Variants in AK3 observed in about 807,000 individuals in gnomAD.
The protein encoded by AK3 is GTP:AMP phosphotransferase AK3, mitochondrial.
AK3 carries 27 observed loss-of-function variants against 23.7 expected under a neutral mutation model. The observed-to-expected ratio is 1.14, with a 90% CI of 0.84 to 1.57. The LOEUF is 1.57. AK3 is among the 40% of genes most tolerant of loss of function. The pLI is 0.00. For synonymous variants in AK3, 159 were observed against 116.0 expected, an observed-to-expected ratio of 1.37 and a Z score of -2.38; for missense variants, 406 against 285.6, an observed-to-expected ratio of 1.42 and a Z score of -3.04.
intron 1 of AK3, among the ~76,000 whole-genome samples, chr9:4,724,721 G>T (rs1466264468): frequency 6.6e-6 from 1 of 151,746 alleles, no homozygotes; most frequent in Non-Finnish European, 1.5e-5. Context: ...CAAGGCTACA[G>T]TGAGCCATGA....
chr9:4,716,802 G>A lies in AK3; in HGVS notation c.563+1617C>T, dbSNP rs189163767. Among the ~76,000 whole-genome samples the A allele has an allele frequency of 4.7e-3, 717 of 152,208 alleles. 8 individuals carry two copies. Among genetic ancestry groups the A allele is most frequent in the Non-Finnish European group, 5.4e-3 (367 of 68,022 alleles). On this transcript the variant is annotated intron_variant, in intron 4 of 4. Coordinates refer to ENST00000381809, the MANE Select transcript of AK3 (RefSeq NM_016282.4). ...TTTAATTGGCCAGGTCTGGTGGCAC[G>A]GGCCTATAGTCCTGGCTACTTGGGA... is the stretch of plus-strand genomic sequence containing the variant.
chr9:4,722,823 C>G (rs188903364), intron 1 of AK3, among the ~76,000 whole-genome samples, 198 bp from the exon 2 acceptor site: 1 of 152,256 alleles, frequency 6.6e-6, no homozygotes, highest in Non-Finnish European at 1.5e-5. Flanking sequence ...TTGGGAGGCC[C>G]AGGCGGGTAG....
intron 1 of AK3, among the ~76,000 whole-genome samples, chr9:4,732,815 T>C (rs1407794554): frequency 6.6e-6 from 1 of 151,844 alleles, no homozygotes; most frequent in African/African-American, 2.4e-5. Context: ...TGAGCAGTTA[T>C]GAAGCACAAA....
chr9:4,728,835 ATATATATATATATATAT>A (rs1563793060), intron 1 of AK3, among the ~76,000 whole-genome samples: 25,372 of 134,804 alleles, frequency 0.19, 2,792 homozygotes, highest in East Asian at 0.43. Context: ...GTCTCTACAT[ATATATATATATATATAT>A]ATATATATAT....
intron 2 of AK3, among the ~76,000 whole-genome samples, chr9:4,720,524 TAAC>T (rs1342228765): frequency 1.3e-5 from 2 of 151,764 alleles, no homozygotes; most frequent in East Asian, 1.9e-4. Flanking sequence ...TCTCTATAAA[TAAC>T]AACGACAACA....
At chr9:4,740,366 C>T (rs1156488367) in intron 1 of AK3, among the ~76,000 whole-genome samples, 1 of 152,080 alleles carries the variant, frequency 6.6e-6, no homozygotes, top group Admixed American at 6.6e-5. Context: ...GAATAGCCTT[C>T]GTGTCTACGA....
At chr9:4,720,083 C>A (rs1254562494) in intron 2 of AK3, among the ~76,000 whole-genome samples, 1 of 151,924 alleles carries the variant, frequency 6.6e-6, no homozygotes, top group Non-Finnish European at 1.5e-5. Flanking sequence ...AACAAACACT[C>A]CAGAGGCTAT....
Position 4,741,142 on chromosome 9 carries a change from G to A in AK3, c.-55C>T. On this transcript the variant is annotated 5_prime_UTR_variant, in exon 1 of 5. Coordinates refer to ENST00000381809, the MANE Select transcript of AK3 (RefSeq NM_016282.4). ...GTACCAGGGCTTTGGCCTGGCCTGC[G>A]CGCTCACCCGCTCGGCAGCCTGCGC... 2 of 1,356,014 alleles carry A rather than the reference G, an allele frequency of 1.5e-6. No individual in the cohort carries two copies. Among genetic ancestry groups the A allele is most frequent in the Non-Finnish European group, 1.9e-6 (2 of 1,052,730 alleles). 84.0% of individuals were successfully genotyped at this position (1,356,014 alleles called of 1,614,324 possible). A position where few individuals can be genotyped will look rare whatever the true frequency, so the allele number is the denominator to read the frequency against.
intron 1 of AK3, among the ~76,000 whole-genome samples, chr9:4,730,894 C>A (rs904239114): frequency 1.3e-5 from 2 of 151,976 alleles, no homozygotes; most frequent in Non-Finnish European, 2.9e-5. Context: ...AATTGCAGTA[C>A]TGAATGGAAG....
chr9:4,728,270 C>G (rs990593686), intron 1 of AK3, among the ~76,000 whole-genome samples: 1 of 152,108 alleles, frequency 6.6e-6, no homozygotes, highest in Non-Finnish European at 1.5e-5. Flanking sequence ...ACAACATATG[C>G]CTTTAAAAAC....
At chr9:4,738,570 C>A (rs962884262) in intron 1 of AK3, among the ~76,000 whole-genome samples, 2 of 151,124 alleles carry the variant, frequency 1.3e-5, no homozygotes, top group Non-Finnish European at 2.9e-5. Flanking sequence ...TAGAATACAA[C>A]CATTTTGCAA....
At chr9:4,723,206 T>G (rs77799372) in intron 1 of AK3, among the ~76,000 whole-genome samples, 41 of 152,294 alleles carry the variant, frequency 2.7e-4, no homozygotes, top group Non-Finnish European at 5.3e-4. Flanking sequence ...CAGTAGTTAT[T>G]TCTGTGTGAT....
At chr9:4,721,757 C>A (rs73397669) in intron 2 of AK3, among the ~76,000 whole-genome samples, 2,156 of 152,286 alleles carry the variant, frequency 0.014, 33 homozygotes, top group African/African-American at 0.046. Flanking sequence ...CTGCCTCTGG[C>A]CCACATCAAC....
intron 2 of AK3, 136 bp from the exon 3 acceptor site, chr9:4,719,443 A>G (rs1029607562): frequency 1.2e-6 from 1 of 802,906 alleles, no homozygotes; most frequent in Non-Finnish European, 1.9e-6. Context: ...GAGGCTCACC[A>G]GGCAGGCCGA....
At chr9:4,739,757 C>T (rs982270374) in intron 1 of AK3, among the ~76,000 whole-genome samples, 1 of 151,958 alleles carries the variant, frequency 6.6e-6, no homozygotes, top group Non-Finnish European at 1.5e-5. Flanking sequence ...CAGTGAAACC[C>T]CATCGCTACT....
rs954163102 is a variant in AK3 at position 4,719,448 on chromosome 9, G to C, written c.272-141C>G. On this transcript the variant is annotated intron_variant, in intron 2 of 4. Transcript: ENST00000381809. ...CAAAAGGAATGAGGCTCACCAGGCA[G>C]GCCGATCACAGCTGCGGTGCAACTG... The C allele has an allele frequency of 9.9e-5, 77 of 779,510 alleles. No homozygotes were observed. In the African/African-American group the frequency reaches 1.2e-3, roughly 12 times the overall value. 48.3% of individuals were successfully genotyped at this position (779,510 alleles called of 1,614,324 possible).
chr9:4,737,629 G>T (rs1044689993), intron 1 of AK3, among the ~76,000 whole-genome samples: 1 of 152,200 alleles, frequency 6.6e-6, no homozygotes, highest in African/African-American at 2.4e-5. Flanking sequence ...TGAAGCAGGA[G>T]AATCGCTTGA....
At chr9:4,734,928 G>A (rs538937860) in intron 1 of AK3, among the ~76,000 whole-genome samples, 3 of 152,232 alleles carry the variant, frequency 2.0e-5, no homozygotes, top group East Asian at 3.9e-4. Context: ...GATTGCATTT[G>A]TATGAAATGT....
chr9:4,735,982 G>C (rs1203819996), intron 1 of AK3, among the ~76,000 whole-genome samples: 3 of 151,600 alleles, frequency 2.0e-5, no homozygotes, highest in Non-Finnish European at 2.9e-5. Flanking sequence ...GGGCATGGTG[G>C]CTCACAGCTG....
Sources: allele counts gnomAD v4.1 joint callset (sites outside exome capture counted in the v4.1 genomes callset), GRCh38; gene constraint gnomAD v4.1.1; transcripts MANE v1.5; gene names NCBI Gene and HGNC (gene_info 2026-07-23, HGNC 2026-07-21).